LINGO2: variants seen among roughly 807,000 people sequenced by gnomAD.
LINGO2 encodes leucine-rich repeat and immunoglobulin-like domain-containing nogo receptor-interacting protein 2.
Under a neutral mutation model 30.6 loss-of-function variants are expected in LINGO2, and 14 were observed. The ratio of observed to expected loss-of-function variants is 0.46; its 90% CI spans 0.30 to 0.72. LINGO2 has a LOEUF of 0.72. Among genes scored for constraint, LINGO2 ranks in the 30% least tolerant of loss-of-function variants. The probability of loss-of-function intolerance (pLI) is 0.07; values close to 1 mark genes in which losing one functional copy is unlikely to be tolerated. For missense variants in LINGO2, 729 were observed against 751.7 expected, an observed-to-expected ratio of 0.97 and a Z score of 0.35; for synonymous variants, 317 against 288.5, an observed-to-expected ratio of 1.10 and a Z score of -1.00.
chr9:27,948,643 T>C, exon 6 of LINGO2: 1 of 583,442 alleles, frequency 1.7e-6, no homozygotes, highest in Non-Finnish European at 3.0e-6. Flanking sequence ...ACACTTAGTA[T>C]CCCACTGTGT....
At chr9:28,055,725 A>G (rs529165768) in intron 4 of LINGO2, among the ~76,000 whole-genome samples, 2 of 152,152 alleles carry the variant, frequency 1.3e-5, no homozygotes, top group Admixed American at 1.3e-4. Flanking sequence ...TCTTTAAAAG[A>G]TATGTACTCA....
chr9:28,172,369 C>A (rs952684915), intron 4 of LINGO2, among the ~76,000 whole-genome samples: 1 of 146,898 alleles, frequency 6.8e-6, no homozygotes, highest in Non-Finnish European at 1.5e-5. Context: ...CCAGCCTGGG[C>A]GACAGAGCGA....
chr9:28,639,101 T>C (rs568261529), intron 1 of LINGO2, among the ~76,000 whole-genome samples: 11 of 152,134 alleles, frequency 7.2e-5, no homozygotes, highest in Non-Finnish European at 8.8e-5. Context: ...CAGGAGCAGG[T>C]TGTTCAGTTT....
At chr9:28,707,576 A>T in the LINGO2 span, among the ~76,000 whole-genome samples, 2 of 152,094 alleles carry the variant, frequency 1.3e-5, no homozygotes, top group African/African-American at 4.8e-5. Flanking sequence ...GTGAAAACTG[A>T]TTCATTTTTG....
At chr9:28,003,566 C>A (rs989604694) in intron 5 of LINGO2, among the ~76,000 whole-genome samples, 11 of 152,070 alleles carry the variant, frequency 7.2e-5, no homozygotes, top group Admixed American at 7.2e-4. Context: ...TCATGCCATT[C>A]TTCTCCTGCC....
intron 4 of LINGO2, among the ~76,000 whole-genome samples, chr9:28,081,290 C>CAA (rs79994366): frequency 2.3e-5 from 3 of 129,564 alleles, no homozygotes; most frequent in Non-Finnish European, 3.3e-5. Context: ...ATTCAATACT[C>CAA]AAAAAAAAAA....
the LINGO2 span, among the ~76,000 whole-genome samples, chr9:29,009,715 A>G: frequency 1.5e-4 from 23 of 152,310 alleles, 1 homozygote; most frequent in East Asian, 4.3e-3. Context: ...AAGAGCCTGC[A>G]TTGCCAAGAA....
chr9:28,017,778 G>A (rs1484531492), intron 4 of LINGO2, among the ~76,000 whole-genome samples: 2 of 152,134 alleles, frequency 1.3e-5, no homozygotes, highest in African/African-American at 4.8e-5. Flanking sequence ...TAATGGCCAT[G>A]CTGCCCAAAG....
intron 4 of LINGO2, among the ~76,000 whole-genome samples, chr9:28,166,431 C>T (rs1226394585): frequency 2.0e-5 from 3 of 152,116 alleles, no homozygotes; most frequent in Admixed American, 2.0e-4. Context: ...ATGTGCACAG[C>T]TATGAGACAT....
intron 3 of LINGO2, among the ~76,000 whole-genome samples, chr9:28,345,871 C>T (rs755122597): frequency 3.9e-5 from 6 of 152,112 alleles, no homozygotes; most frequent in Non-Finnish European, 8.8e-5. Flanking sequence ...ACAAAAATAG[C>T]AAAAGTCCTT....
intron 3 of LINGO2, among the ~76,000 whole-genome samples, chr9:28,351,885 G>A (rs1275539732): frequency 2.0e-5 from 3 of 147,496 alleles, no homozygotes; most frequent in East Asian, 2.0e-4. Flanking sequence ...TATAAACAGA[G>A]CCAAAGACAA....
intron 4 of LINGO2, among the ~76,000 whole-genome samples, chr9:28,231,983 A>C (rs943544640): frequency 3.3e-5 from 5 of 152,136 alleles, no homozygotes; most frequent in Admixed American, 1.3e-4. Flanking sequence ...TAAAGTAATA[A>C]AATCAGTATA....
At chr9:27,944,254 C>T (rs1211646677), downstream of LINGO2, 1 of 152,188 alleles carries the variant, frequency 6.6e-6, no homozygotes, top group Admixed American at 6.6e-5. Flanking sequence ...ACCTTGTTTA[C>T]TTGGCTAAAC....
chr9:28,904,449 A>G, the LINGO2 span, among the ~76,000 whole-genome samples: 3 of 151,980 alleles, frequency 2.0e-5, no homozygotes, highest in African/African-American at 7.2e-5. Flanking sequence ...TCTTATATAT[A>G]TAAAAAACTT....
intron 1 of LINGO2, among the ~76,000 whole-genome samples, chr9:28,616,501 A>G (rs1826137292): frequency 6.6e-6 from 1 of 152,216 alleles, no homozygotes; most frequent in East Asian, 1.9e-4. Context: ...ATCAGCCACC[A>G]GAACTGCCAT....
chr9:29,135,558 CAAAAAAAA>C, the LINGO2 span, among the ~76,000 whole-genome samples: 26 of 108,228 alleles, frequency 2.4e-4, no homozygotes, highest in Non-Finnish European at 4.3e-4. Flanking sequence ...ATTCCATCTC[CAAAAAAAA>C]AAAAAAAAAT....
Position 28,309,665 on chromosome 9 carries a change from A to G in LINGO2, c.-245-14299T>C, listed in dbSNP as rs146330926. Among the ~76,000 whole-genome samples, 1,080 of 152,152 alleles carry G rather than the reference A, an allele frequency of 7.1e-3. 12 individuals carry two copies. Among genetic ancestry groups the G allele is most frequent in the African/African-American group, 0.024 (1,012 of 41,538 alleles). ...AGAAAAAATTTAAAAAAATTGATAA[A>G]TTTGATTTAATTACAATTTAAAACG... On this transcript the variant is annotated intron_variant, in intron 3 of 5. Coordinates refer to ENST00000379992, the Ensembl canonical transcript of LINGO2.
At chr9:28,214,460 C>A (rs558587891) in intron 4 of LINGO2, among the ~76,000 whole-genome samples, 1 of 151,506 alleles carries the variant, frequency 6.6e-6, no homozygotes, top group Non-Finnish European at 1.5e-5. Context: ...TATTGAATTC[C>A]ATTATCTTTA....
intron 4 of LINGO2, among the ~76,000 whole-genome samples, chr9:28,057,143 C>T (rs1824967370): frequency 6.6e-6 from 1 of 152,128 alleles, no homozygotes; most frequent in Admixed American, 6.6e-5. Flanking sequence ...TTAAACCTGA[C>T]TTAACCCAAG....
Sources: allele counts gnomAD v4.1 joint callset (sites outside exome capture counted in the v4.1 genomes callset), GRCh38; gene constraint gnomAD v4.1.1; transcripts MANE v1.5; gene names NCBI Gene and HGNC (gene_info 2026-07-23, HGNC 2026-07-21).